The following PTPRR variants were observed in gnomAD, a reference collection of about 807,000 sequenced individuals.
PTPRR encodes protein tyrosine phosphatase receptor type R, also known as receptor-type tyrosine-protein phosphatase R.
Under a neutral mutation model 77.2 loss-of-function variants are expected in PTPRR, and 38 were observed. The observed-to-expected ratio is 0.49, with a 90% CI of 0.38 to 0.65. The LOEUF (loss-of-function observed/expected upper bound fraction) is 0.65, where lower values mean the gene tolerates loss of function less well. Ranked by LOEUF, PTPRR falls within the 30% of genes least tolerant of loss-of-function variation. The pLI is 0.00. For synonymous variants in PTPRR, 299 were observed against 283.1 expected, an observed-to-expected ratio of 1.06 and a Z score of -0.57; for missense variants, 744 against 799.2, an observed-to-expected ratio of 0.93 and a Z score of 0.83.
At chr12:70,905,246 TAGA>T (rs1464795870) in intron 1 of PTPRR, among the ~76,000 whole-genome samples, 1 of 151,822 alleles carries the variant, frequency 6.6e-6, no homozygotes, top group Non-Finnish European at 1.5e-5. Context: ...ATTTTCTGTG[TAGA>T]AGGAGATGAA....
In PTPRR at chr12:70,892,727, A is replaced by G. The variant is rs1200478597; in HGVS notation, c.309T>C (p.Asp103=). ...SLNLLAMDGQ[D]LEVENLPIPA... is the part of the protein sequence containing the mutation. ...GGATTGGGAGATTTTCCACTTCAAG[A>G]TCTTGACCATCCATGGCCAGCAGAT... The change falls in exon 2 of 14, where the codon GAT becomes GAC. Residue 103 remains aspartate, a synonymous_variant. Transcript: ENST00000283228. 2 of 1,613,282 alleles carry G rather than the reference A, an allele frequency of 1.2e-6. No homozygotes were observed. The highest frequency in any genetic ancestry group is 2.2e-5 in the East Asian group (1 of 44,878).
chr12:70,751,229 T>C (rs1890385497), intron 5 of PTPRR, among the ~76,000 whole-genome samples: 1 of 152,174 alleles, frequency 6.6e-6, no homozygotes, highest in Non-Finnish European at 1.5e-5. Context: ...GGAGTCATCC[T>C]TAATTTTACC....
At chr12:70,863,023 G>T (rs1019071777) in intron 2 of PTPRR, among the ~76,000 whole-genome samples, 13 of 152,128 alleles carry the variant, frequency 8.5e-5, no homozygotes, top group Admixed American at 8.5e-4. Flanking sequence ...CTAGTGTCAA[G>T]GCTGTAGTAG....
At chr12:70,713,998 TC>T (rs1888927838) in intron 6 of PTPRR, among the ~76,000 whole-genome samples, 1 of 152,022 alleles carries the variant, frequency 6.6e-6, no homozygotes, top group Non-Finnish European at 1.5e-5. Context: ...AGAGCAACCC[TC>T]CTAATGTAGT....
chr12:70,886,648 C>T (rs867071135), intron 2 of PTPRR, among the ~76,000 whole-genome samples: 1 of 152,048 alleles, frequency 6.6e-6, no homozygotes, highest in Non-Finnish European at 1.5e-5. Context: ...GGAATTTCTA[C>T]TCTAGGTGGG....
intron 8 of PTPRR, 30 bp downstream of exon 8, chr12:70,698,235 C>A: frequency 6.3e-7 from 1 of 1,590,432 alleles, no homozygotes; most frequent in Non-Finnish European, 8.6e-7. Context: ...GCCCCCCATA[C>A]AATGCAAATT....
At chr12:70,739,872 C>T (rs1394602610) in intron 6 of PTPRR, among the ~76,000 whole-genome samples, 5 of 151,672 alleles carry the variant, frequency 3.3e-5, no homozygotes, top group African/African-American at 9.7e-5. Flanking sequence ...TGGACAGGAG[C>T]GCAGCACTCA....
intron 5 of PTPRR, among the ~76,000 whole-genome samples, chr12:70,748,624 T>C (rs151247281): frequency 1.2e-4 from 18 of 152,056 alleles, no homozygotes; most frequent in Middle Eastern, 3.4e-3. Flanking sequence ...ATAGTGGGAA[T>C]AAAAAAACCA....
At chr12:70,682,688 T>A (rs913040082) in intron 10 of PTPRR, among the ~76,000 whole-genome samples, 9 of 152,176 alleles carry the variant, frequency 5.9e-5, no homozygotes, top group African/African-American at 1.9e-4. Context: ...CCTCTTAAAC[T>A]TGAAAAATCT....
At chr12:70,914,346 G>T (rs1027049535) in intron 1 of PTPRR, among the ~76,000 whole-genome samples, 5 of 152,102 alleles carry the variant, frequency 3.3e-5, no homozygotes, top group Non-Finnish European at 7.4e-5. Flanking sequence ...TTTGGAGAAA[G>T]AATATGATCA....
intron 2 of PTPRR, among the ~76,000 whole-genome samples, chr12:70,876,019 T>C (rs750225845): frequency 2.6e-5 from 4 of 152,154 alleles, no homozygotes; most frequent in Non-Finnish European, 5.9e-5. Flanking sequence ...GAACTACTCC[T>C]GGTAAGACTA....
At chr12:70,884,471 GA>G (rs1469491516) in intron 2 of PTPRR, among the ~76,000 whole-genome samples, 1 of 152,180 alleles carries the variant, frequency 6.6e-6, no homozygotes, top group Non-Finnish European at 1.5e-5. Context: ...GGCAATTTTA[GA>G]GAGAACTGAA....
At chr12:70,716,957 C>T (rs896555098) in intron 6 of PTPRR, among the ~76,000 whole-genome samples, 5 of 152,220 alleles carry the variant, frequency 3.3e-5, no homozygotes, top group Non-Finnish European at 2.9e-5. Flanking sequence ...CAAATCACTA[C>T]TATAACCATA....
At chr12:70,808,796 C>T (rs962496035) in intron 2 of PTPRR, among the ~76,000 whole-genome samples, 15 of 152,158 alleles carry the variant, frequency 9.9e-5, no homozygotes, top group African/African-American at 3.4e-4. Context: ...GCCATTTTTA[C>T]CCCTATTGCC....
At chr12:70,714,029 A>G (rs372887560) in intron 6 of PTPRR, among the ~76,000 whole-genome samples, 96 of 152,098 alleles carry the variant, frequency 6.3e-4, no homozygotes, top group African/African-American at 2.1e-3. Context: ...CCCATCAGTT[A>G]TGGAGACACA....
chr12:70,836,509 AGTC>A (rs1892307382), intron 2 of PTPRR, among the ~76,000 whole-genome samples: 1 of 152,020 alleles, frequency 6.6e-6, no homozygotes, highest in Non-Finnish European at 1.5e-5. Flanking sequence ...TTTGGACTAA[AGTC>A]CAAAACCTTA....
intron 2 of PTPRR, among the ~76,000 whole-genome samples, chr12:70,778,432 T>G (rs1019145312): frequency 6.6e-6 from 1 of 152,204 alleles, no homozygotes; most frequent in African/African-American, 2.4e-5. Flanking sequence ...CCAGAGCCTA[T>G]TTCAGTAATA....
chr12:70,863,679 A>G (rs1435955366), intron 2 of PTPRR, among the ~76,000 whole-genome samples: 2 of 149,084 alleles, frequency 1.3e-5, no homozygotes, highest in African/African-American at 2.4e-5. Context: ...CCAATTATCT[A>G]TTGTTTCATC....
chr12:70,773,962 A>G (rs1265413953), intron 2 of PTPRR, among the ~76,000 whole-genome samples: 1 of 152,230 alleles, frequency 6.6e-6, no homozygotes, highest in Non-Finnish European at 1.5e-5. Flanking sequence ...TGTTAAGCAC[A>G]ATATACGCAT....
Sources: allele counts gnomAD v4.1 joint callset (sites outside exome capture counted in the v4.1 genomes callset), GRCh38; gene constraint gnomAD v4.1.1; transcripts MANE v1.5; gene names NCBI Gene and HGNC (gene_info 2026-07-23, HGNC 2026-07-21).